Variants in ERC2 observed in about 807,000 individuals in gnomAD.
ERC2 encodes the protein ERC protein 2.
Under a neutral mutation model 114.8 loss-of-function variants are expected in ERC2, and 42 were observed. The observed-to-expected ratio is 0.37, with a 90% CI of 0.29 to 0.47. ERC2 has a LOEUF of 0.47. ERC2 is among the 20% of genes least tolerant of loss of function. The probability of loss-of-function intolerance (pLI) is 0.99; values close to 1 mark genes in which losing one functional copy is unlikely to be tolerated. For synonymous variants in ERC2, 454 were observed against 425.5 expected (o/e 1.07, Z -0.82); for missense variants, 939 against 1,150.7 (o/e 0.82, Z 2.66).
Position 56,285,535 on chromosome 3 carries a change from A to G in ERC2, c.1074+10484T>C, listed in dbSNP as rs1197174311. On this transcript the variant is annotated intron_variant, in intron 3 of 17. Transcript: ENST00000288221. ...CCTAGTAACAGGCAGTCTTCCCCCA[A>G]TACTAAAAATGCTCAAATGTCTGGC... is the stretch of plus-strand genomic sequence containing the variant. Among the ~76,000 whole-genome samples, 4 of 152,222 alleles carry G rather than the reference A, an allele frequency of 2.6e-5. No homozygotes were observed. The East Asian group carries it at 5.8e-4, about 22-fold the overall frequency.
chr3:55,908,642 C>T (rs1201786749), intron 13 of ERC2, among the ~76,000 whole-genome samples: 2 of 152,138 alleles, frequency 1.3e-5, no homozygotes, highest in Non-Finnish European at 1.5e-5. Context: ...CTCTCTTCCC[C>T]TCTTTGGGAC....
At chr3:56,130,818 A>T (rs913221459) in intron 6 of ERC2, among the ~76,000 whole-genome samples, 1 of 152,246 alleles carries the variant, frequency 6.6e-6, no homozygotes, top group African/African-American at 2.4e-5. Context: ...TCTGCAAAAG[A>T]GCTTAAAAAC....
intron 7 of ERC2, among the ~76,000 whole-genome samples, chr3:56,030,582 TA>T (rs1357994549): frequency 6.6e-6 from 1 of 152,244 alleles, no homozygotes; most frequent in Non-Finnish European, 1.5e-5. Context: ...TGGTCCATAG[TA>T]ATTTTTTCTG....
At chr3:55,607,644 G>GA (rs56126196) in intron 17 of ERC2, among the ~76,000 whole-genome samples, 2,370 of 127,058 alleles carry the variant, frequency 0.019, 25 homozygotes, top group Non-Finnish European at 0.029. Context: ...TAAGAAGAGA[G>GA]AAAAAAAAAA....
intron 12 of ERC2, among the ~76,000 whole-genome samples, chr3:55,960,952 T>C (rs1057158897): frequency 6.6e-6 from 1 of 152,204 alleles, no homozygotes; most frequent in African/African-American, 2.4e-5. Flanking sequence ...CTGGCCAACA[T>C]GGCAAAACCC....
intron 6 of ERC2, among the ~76,000 whole-genome samples, chr3:56,103,935 T>C (rs946190147): frequency 2.2e-4 from 34 of 152,034 alleles, no homozygotes; most frequent in Non-Finnish European, 4.9e-4. Flanking sequence ...GAACCTGAGA[T>C]AAAAAGAAGG....
chr3:56,339,196 A>G (rs2057986079), intron 2 of ERC2, among the ~76,000 whole-genome samples: 1 of 152,236 alleles, frequency 6.6e-6, no homozygotes, highest in Admixed American at 6.5e-5. Flanking sequence ...TCAGGAAAAT[A>G]GAAGTAACAA....
chr3:55,537,273 A>G (rs992763416), intron 17 of ERC2, among the ~76,000 whole-genome samples: 3 of 152,244 alleles, frequency 2.0e-5, no homozygotes, highest in Non-Finnish European at 4.4e-5. Context: ...TGCTGAAAGA[A>G]CAGTCTTAGA....
intron 16 of ERC2, among the ~76,000 whole-genome samples, chr3:55,693,229 C>T (rs2062753254): frequency 6.6e-6 from 1 of 152,212 alleles, no homozygotes; most frequent in Admixed American, 6.5e-5. Flanking sequence ...AATGGACAGA[C>T]ACCTTAAAGT....
At chr3:55,780,345 A>G (rs981817435) in intron 14 of ERC2, among the ~76,000 whole-genome samples, 1 of 152,206 alleles carries the variant, frequency 6.6e-6, no homozygotes, top group Non-Finnish European at 1.5e-5. Context: ...CTACTTGAAC[A>G]AAAAATAATG....
At chr3:55,664,952 A>G (rs2148718161) in intron 17 of ERC2, among the ~76,000 whole-genome samples, 1 of 152,330 alleles carries the variant, frequency 6.6e-6, no homozygotes, top group South Asian at 2.1e-4. Context: ...CACGGGAGTC[A>G]ACATTTCGCC....
intron 4 of ERC2, among the ~76,000 whole-genome samples, chr3:56,160,863 C>T (rs2082006162): frequency 6.6e-6 from 1 of 152,226 alleles, no homozygotes. Flanking sequence ...CAATACTATG[C>T]TGTTTTGTTT....
chr3:56,323,936 G>A (rs1012513789), intron 2 of ERC2, among the ~76,000 whole-genome samples: 1 of 152,046 alleles, frequency 6.6e-6, no homozygotes, highest in African/African-American at 2.4e-5. Context: ...TGAGATTAGA[G>A]TAGAAAAAAA....
chr3:56,077,548 G>T (rs1370210976), intron 7 of ERC2, among the ~76,000 whole-genome samples: 1 of 152,112 alleles, frequency 6.6e-6, no homozygotes, highest in Non-Finnish European at 1.5e-5. Flanking sequence ...TGGCAAAAGT[G>T]GTCATTTGTC....
At chr3:56,063,253 G>A (rs2076323122) in intron 7 of ERC2, among the ~76,000 whole-genome samples, 1 of 152,202 alleles carries the variant, frequency 6.6e-6, no homozygotes, top group Non-Finnish European at 1.5e-5. Flanking sequence ...CAGCACAAGG[G>A]AGGATTACAG....
chr3:56,429,877 A>C (rs2061719410), intron 2 of ERC2, among the ~76,000 whole-genome samples: 1 of 152,164 alleles, frequency 6.6e-6, no homozygotes, highest in African/African-American at 2.4e-5. Context: ...GGAGTTCAGC[A>C]TCCTCCCTTA....
intron 2 of ERC2, among the ~76,000 whole-genome samples, chr3:56,329,866 T>C (rs968650085): frequency 1.3e-4 from 19 of 145,962 alleles, no homozygotes; most frequent in African/African-American, 4.7e-4. Flanking sequence ...CCACCATATA[T>C]ATATTTCCAC....
intron 6 of ERC2, among the ~76,000 whole-genome samples, chr3:56,126,318 GATA>G (rs1437653417): frequency 2.6e-5 from 4 of 152,304 alleles, no homozygotes; most frequent in African/African-American, 9.6e-5. Context: ...CAATAGAGGT[GATA>G]CATCATGTTA....
intron 2 of ERC2, among the ~76,000 whole-genome samples, chr3:56,337,669 T>A (rs2057913831): frequency 6.6e-6 from 1 of 152,226 alleles, no homozygotes; most frequent in Admixed American, 6.5e-5. Flanking sequence ...ATTGGCCACC[T>A]TTTTTGGAAA....
Sources: allele counts gnomAD v4.1 joint callset (sites outside exome capture counted in the v4.1 genomes callset), GRCh38; gene constraint gnomAD v4.1.1; transcripts MANE v1.5; gene names NCBI Gene and HGNC (gene_info 2026-07-23, HGNC 2026-07-21).